Variants in USP3 observed in about 807,000 individuals in gnomAD.
USP3 encodes the protein ubiquitin carboxyl-terminal hydrolase 3.
In USP3, 20 loss-of-function variants were observed where a neutral mutation model predicts 72.3. The ratio of observed to expected loss-of-function variants is 0.28; its 90% CI spans 0.19 to 0.40. The LOEUF is 0.40. Ranked by LOEUF, USP3 falls within the 10% of genes least tolerant of loss-of-function variation. USP3 has a pLI of 1.00. For synonymous variants in USP3, 222 were observed against 225.3 expected, an observed-to-expected ratio of 0.99 and a Z score of 0.13; for missense variants, 479 against 633.9, an observed-to-expected ratio of 0.76 and a Z score of 2.62.
intron 3 of USP3, among the ~76,000 whole-genome samples, chr15:63,547,561 C>T (rs550582104): frequency 2.9e-4 from 44 of 151,418 alleles, no homozygotes; most frequent in African/African-American, 1.0e-3. Flanking sequence ...GAGACCCTGC[C>T]ACTACAAAAG....
chr15:63,574,027 G>T lies in USP3; in HGVS notation c.909-19G>T. ...TGGCTTCTTACTGAGATATTTTCCT[G>T]TGTGGTGATTTTGTTTAGAAATGGA... On this transcript the variant is annotated intron_variant, in intron 9 of 14. Transcript: ENST00000380324. This position sits in a 1 kb window ranked among gnomAD's most constrained non-coding sequence, Gnocchi z 4.6. The T allele has an allele frequency of 6.6e-7, 1 of 1,517,648 alleles. No individual in the cohort carries two copies. Among genetic ancestry groups the T allele is most frequent in the Non-Finnish European group, 8.9e-7 (1 of 1,123,696 alleles). 94.0% of individuals were successfully genotyped at this position (1,517,648 alleles called of 1,614,324 possible).
At chr15:63,556,042 T>C (rs2066502544) in intron 4 of USP3, among the ~76,000 whole-genome samples, 1 of 152,216 alleles carries the variant, frequency 6.6e-6, no homozygotes, top group Admixed American at 6.5e-5. Context: ...CTGATAAATT[T>C]TAAGCAAAAT....
At chr15:63,506,145 T>G (rs2065709933) in intron 1 of USP3, among the ~76,000 whole-genome samples, 1 of 152,204 alleles carries the variant, frequency 6.6e-6, no homozygotes, top group Non-Finnish European at 1.5e-5. Flanking sequence ...AAATTAACGG[T>G]TAATTGGTTT....
chr15:63,571,799 A>G, intron 9 of USP3, among the ~76,000 whole-genome samples: 1 of 152,210 alleles, frequency 6.6e-6, no homozygotes, highest in East Asian at 1.9e-4. Flanking sequence ...TGACATTTTA[A>G]AGATTAGGAT....
chr15:63,566,626 T>C (rs1372924348), intron 8 of USP3, among the ~76,000 whole-genome samples: 1 of 152,230 alleles, frequency 6.6e-6, no homozygotes, highest in Non-Finnish European at 1.5e-5. Context: ...TGTGATACTT[T>C]AATTAAAGTT....
At chr15:63,568,095 C>T (rs2066721037) in intron 8 of USP3, among the ~76,000 whole-genome samples, 1 of 152,090 alleles carries the variant, frequency 6.6e-6, no homozygotes, top group African/African-American at 2.4e-5. Context: ...TGGCTCATGC[C>T]TGTAATCCCA....
intron 1 of USP3, among the ~76,000 whole-genome samples, chr15:63,512,311 T>C (rs1057321869): frequency 1.1e-4 from 16 of 141,058 alleles, no homozygotes; most frequent in South Asian, 2.2e-4. Flanking sequence ...CCTCCTCTTC[T>C]TCTTCTTCCT....
chr15:63,509,643 A>C (rs1454905602), intron 1 of USP3, among the ~76,000 whole-genome samples: 1 of 152,150 alleles, frequency 6.6e-6, no homozygotes, highest in African/African-American at 2.4e-5. Flanking sequence ...GAAGAATTTA[A>C]ACTTTTTTGG....
chr15:63,510,201 C>T (rs1295427572), intron 1 of USP3, among the ~76,000 whole-genome samples: 1 of 152,170 alleles, frequency 6.6e-6, no homozygotes, highest in African/African-American at 2.4e-5. Context: ...GTTTGCAGCT[C>T]AGTGAGTAGA....
chr15:63,508,579 G>A (rs1014374298), intron 1 of USP3, among the ~76,000 whole-genome samples: 3 of 152,118 alleles, frequency 2.0e-5, no homozygotes, highest in Non-Finnish European at 4.4e-5. Flanking sequence ...AAATAAAAGG[G>A]CATTCTCTCA....
rs960875791 is a variant in USP3 at position 63,592,872 on chromosome 15, G to C, written c.*2046G>C. On this transcript the variant is annotated 3_prime_UTR_variant, in exon 15 of 15. Transcript: ENST00000380324. ...TCCATTTCCATTTTAATATTAACTGGATAAATCCCACATCTTCCCAGAACA... is the reference window on the plus strand; with the variant it reads ...TCCATTTCCATTTTAATATTAACTGCATAAATCCCACATCTTCCCAGAACA... 6.6e-6 allele frequency: 1 copy of C among 151,892 alleles called. No individual in the cohort carries two copies. Among genetic ancestry groups the C allele is most frequent in the African/African-American group, 2.4e-5 (1 of 41,312 alleles). 9.4% of individuals were successfully genotyped at this position (151,892 alleles called of 1,614,324 possible). A position where few individuals can be genotyped will look rare whatever the true frequency, so the allele number is the denominator to read the frequency against.
chr15:63,510,499 C>A (rs963741033), intron 1 of USP3, among the ~76,000 whole-genome samples: 5 of 152,048 alleles, frequency 3.3e-5, no homozygotes, highest in Non-Finnish European at 5.9e-5. Context: ...TAGATTTAGT[C>A]GGTAGATTAT....
In USP3 at chr15:63,570,606, T is replaced by C. The variant is rs762518453; in HGVS notation, c.908+27T>C. On this transcript the variant is annotated intron_variant, in intron 9 of 14. Coordinates refer to ENST00000380324, the MANE Select transcript of USP3 (RefSeq NM_006537.4). The surrounding 1 kb of genome is among the most constrained non-coding windows in gnomAD (Gnocchi z 4.4). The stretch of plus-strand genomic sequence containing the variant: ...TAAGATTTAGTTGCCTTCTGTTTTT[T>C]AGGAGGGCCTCAGACATTTCTTTTG... 2.5e-6 allele frequency: 4 copies of C among 1,590,594 alleles called. No homozygotes were observed. In the African/African-American group the frequency reaches 5.4e-5, roughly 21 times the overall value.
intron 14 of USP3, 140 bp downstream of exon 14, chr15:63,589,151 C>T (rs188231726): frequency 1.4e-4 from 120 of 863,178 alleles, no homozygotes; most frequent in Middle Eastern, 3.6e-4. Context: ...AGTTTTGGTG[C>T]GGAAGAGTAC....
chr15:63,514,454 G>GTA (rs2065825965), intron 1 of USP3, among the ~76,000 whole-genome samples: 1 of 152,126 alleles, frequency 6.6e-6, no homozygotes, highest in South Asian at 2.1e-4. Flanking sequence ...CAGAGTATAC[G>GTA]TATTTGCCAA....
In USP3 at chr15:63,553,664, C is replaced by T; in HGVS notation, c.285-51C>T. 1 of 1,549,458 alleles carries T rather than the reference C, an allele frequency of 6.5e-7. No homozygotes were observed. Among genetic ancestry groups the T allele is most frequent in the Middle Eastern group, 1.7e-4 (1 of 5,884 alleles). On this transcript the variant is annotated intron_variant, in intron 3 of 14. Transcript: ENST00000380324. This position sits in a 1 kb window ranked among gnomAD's most constrained non-coding sequence, Gnocchi z 4.2. ...GCCAGACCTTTTAGTGATTTCATTA[C>T]TGTGGTTTCCTCAAGCTCTTTACAC...
At chr15:63,542,398 T>C (rs1439857605) in intron 3 of USP3, among the ~76,000 whole-genome samples, 2 of 151,904 alleles carry the variant, frequency 1.3e-5, no homozygotes, top group Non-Finnish European at 1.5e-5. Context: ...GTTATAAACT[T>C]TCAAAACCTT....
chr15:63,530,973 C>T (rs2066065768), intron 1 of USP3, among the ~76,000 whole-genome samples: 1 of 152,214 alleles, frequency 6.6e-6, no homozygotes, highest in Non-Finnish European at 1.5e-5. Context: ...CAAAATTAGA[C>T]CCAGTTGAGT....
Position 63,593,233 on chromosome 15 carries a change from TTCTGA to T in USP3, c.*2411_*2415del, listed in dbSNP as rs1385933032. 4.6e-5 allele frequency: 7 copies of T among 152,252 alleles called. No individual in the cohort carries two copies. Among genetic ancestry groups the T allele is most frequent in the Admixed American group, 4.6e-4 (7 of 15,280 alleles). 9.4% of individuals were successfully genotyped at this position (152,252 alleles called of 1,614,324 possible). A position where few individuals can be genotyped will look rare whatever the true frequency, so the allele number is the denominator to read the frequency against. ...GTATGAAACCCTGCTATTTGATGAG[TTCTGA>T]TCTACAAAAATGACAGCTCCACCTG... On this transcript the variant is annotated 3_prime_UTR_variant, in exon 15 of 15. Coordinates refer to ENST00000380324, the MANE Select transcript of USP3 (RefSeq NM_006537.4).
Sources: allele counts gnomAD v4.1 joint callset (sites outside exome capture counted in the v4.1 genomes callset), GRCh38; gene constraint gnomAD v4.1.1; non-coding constraint Gnocchi (gnomAD v3.1); transcripts MANE v1.5; gene names NCBI Gene and HGNC (gene_info 2026-07-23, HGNC 2026-07-21).